HMGXB3: variants seen among roughly 807,000 people sequenced by gnomAD.
The protein encoded by HMGXB3 is HMG domain-containing protein 3.
HMGXB3 carries 45 observed loss-of-function variants against 121.5 expected under a neutral mutation model. The ratio of observed to expected loss-of-function variants is 0.37; its 90% CI spans 0.29 to 0.47. The LOEUF (loss-of-function observed/expected upper bound fraction) is 0.47. HMGXB3 is among the 20% of genes least tolerant of loss of function. The pLI, the probability that HMGXB3 is intolerant of heterozygous loss-of-function variation, is 0.99. For missense variants in HMGXB3, 1,376 were observed against 1,602.2 expected (o/e 0.86, Z 2.41); for synonymous variants, 590 against 624.1 (o/e 0.95, Z 0.81).
At position 150,004,320 on chromosome 5, in the gene HMGXB3, C is replaced by T. The variant is rs1161712944; in HGVS notation, c.-2-531C>T. Reference sequence around the variant, plus strand: ...GCTAAAAGACCTGACCAAAATTGCACAAGCTGGCAGAGTATAAAGAAATCT... The same window carrying T: ...GCTAAAAGACCTGACCAAAATTGCATAAGCTGGCAGAGTATAAAGAAATCT... On this transcript the variant is annotated intron_variant, in intron 1 of 19. Coordinates refer to ENST00000502717, the MANE Select transcript of HMGXB3 (RefSeq NM_014983.3). Among the ~76,000 whole-genome samples the T allele has an allele frequency of 2.0e-5, 3 of 152,164 alleles. No homozygotes were observed. The East Asian group carries it at 5.8e-4, about 29-fold the overall frequency.
rs145371566 is a variant in HMGXB3, at chr5:150,002,372, G to T, written c.-3+1193G>T. Among the ~76,000 whole-genome samples the T allele has an allele frequency of 4.5e-3, 688 of 152,306 alleles. 3 individuals carry two copies. Among genetic ancestry groups the T allele is most frequent in the South Asian group, 9.5e-3 (46 of 4,822 alleles). ...CAGTTGAAATTTAGGATGTGGAATA[G>T]ACTTCTCTGAGATCATAAGGTTAGA... On this transcript the variant is annotated intron_variant, in intron 1 of 19. Coordinates refer to ENST00000502717, the MANE Select transcript of HMGXB3 (RefSeq NM_014983.3).
chr5:150,052,880 C>A lies in HMGXB3; in HGVS notation c.*688C>A, dbSNP rs1049214704. 3.9e-5 allele frequency: 6 copies of A among 152,458 alleles called. No individual in the cohort carries two copies. Among genetic ancestry groups the A allele is most frequent in the South Asian group, 4.1e-4 (2 of 4,828 alleles). 9.4% of individuals were successfully genotyped at this position (152,458 alleles called of 1,614,324 possible). ...GGCCACTGCTGCTGCAGCCAATATC[C>A]TCTCTGGGCCTGGGACCCTCTCCAC... On this transcript the variant is annotated 3_prime_UTR_variant, in exon 20 of 20. Transcript: ENST00000502717.
Position 150,012,292 on chromosome 5 carries a change from A to T in HMGXB3, c.848A>T (p.Gln283Leu). ...AGTAGCTCCTCTGCACCAGCCACAC[A>T]GTTCATCATGTTGCCTCTGCCTGCC... ...SESSSSAPAT[Q>L]FIMLPLPAYS... The change falls in exon 5 of 20, where the codon CAG (glutamine) becomes CTG (leucine). Residue 283 changes from glutamine (Q) to leucine (L), a missense_variant. Coordinates refer to ENST00000502717, the MANE Select transcript of HMGXB3 (RefSeq NM_014983.3). 1 of 1,552,308 alleles carries T rather than the reference A, an allele frequency of 6.4e-7. No individual in the cohort carries two copies. Among genetic ancestry groups the T allele is most frequent in the Non-Finnish European group, 8.7e-7 (1 of 1,147,102 alleles).
Position 150,037,629 on chromosome 5 carries a change from A to T in HMGXB3, c.2413+102A>T, listed in dbSNP as rs1756531053. ...CCCTTTGAGGACTGGGCCTTCTCAG[A>T]TGGGGCTTCTGAGGAAGGGGGAGTC... is the stretch of plus-strand genomic sequence containing the variant. On this transcript the variant is annotated intron_variant, in intron 13 of 19. Transcript: ENST00000502717. The T allele has an allele frequency of 2.9e-6, 3 of 1,044,554 alleles. No individual in the cohort carries two copies. In the African/African-American group the frequency reaches 5.0e-5, roughly 17 times the overall value. 64.7% of individuals were successfully genotyped at this position (1,044,554 alleles called of 1,614,324 possible).
rs527624166 is a variant in HMGXB3 at position 150,031,106 on chromosome 5, G to A, written c.1833+267G>A. On this transcript the variant is annotated intron_variant, in intron 10 of 19. Coordinates refer to ENST00000502717, the MANE Select transcript of HMGXB3 (RefSeq NM_014983.3). ...TGTATTTTTATTGAGAGTTGCCAGA[G>A]ATGAGAATCTAGTCCAGATTTAACA... is the stretch of plus-strand genomic sequence containing the variant. 3.4e-4 allele frequency among the ~76,000 whole-genome samples: 52 copies of A among 152,322 alleles called. No homozygotes were observed. In the Middle Eastern group the frequency reaches 0.01, roughly 30 times the overall value.
At chr5:150,037,744 A>G (rs1756533321) in intron 13 of HMGXB3, among the ~76,000 whole-genome samples, 1 of 152,218 alleles carries the variant, frequency 6.6e-6, no homozygotes, top group Admixed American at 6.5e-5. Flanking sequence ...ACAGATCTTC[A>G]TTGTGGAAGG....
At position 150,011,626 on chromosome 5, in the gene HMGXB3, C is replaced by T. The variant is rs1221733776; in HGVS notation, c.811-629C>T. Among the ~76,000 whole-genome samples, 275 of 124,822 alleles carry T rather than the reference C, an allele frequency of 2.2e-3. 2 individuals carry two copies. The highest frequency in any genetic ancestry group is 9.2e-3 in the African/African-American group (260 of 28,370). The allele number at this position is 124,822 out of a possible 152,430, so 81.9% of individuals were successfully genotyped here. On this transcript the variant is annotated intron_variant, in intron 4 of 19. Coordinates refer to ENST00000502717, the MANE Select transcript of HMGXB3 (RefSeq NM_014983.3). ...TTGGTTTTTTTTTTTTTTTTTGAGA[C>T]GGAGTTTTGCTCTTGTCACCCAGGC...
chr5:150,052,012 C>A lies in HMGXB3; in HGVS notation c.3699C>A (p.Arg1233=), dbSNP rs1286328345. ...CCACTCACTATTACCTCTACAACCG[C>A]CTCATGGACTTCCTCACCAGCCGCG... ...DNATHYYLYN[R]LMDFLTSREI... The change falls in exon 20 of 20, where the codon CGC becomes CGA. Residue 1233 remains arginine (R), a synonymous_variant. Coordinates refer to ENST00000502717, the MANE Select transcript of HMGXB3 (RefSeq NM_014983.3). 1 of 1,551,956 alleles carries A rather than the reference C, an allele frequency of 6.4e-7. No individual in the cohort carries two copies. The highest frequency in any genetic ancestry group is 8.7e-7 in the Non-Finnish European group (1 of 1,147,092).
At position 150,052,139 on chromosome 5, in the gene HMGXB3, A is replaced by G. The variant is rs376234891; in HGVS notation, c.3826A>G (p.Thr1276Ala). 4.5e-6 allele frequency: 7 copies of G among 1,550,874 alleles called. No individual in the cohort carries two copies. Among genetic ancestry groups the G allele is most frequent in the Non-Finnish European group, 5.2e-6 (6 of 1,146,638 alleles). The change falls in exon 20 of 20, where the codon ACA becomes GCA. Residue 1276 changes from threonine (T) to alanine (A), a missense_variant. By Grantham distance (58) the Thr-to-Ala change is moderately conservative. Around this residue, in one of 2 missense-constraint regions of HMGXB3, gnomAD observed 260 missense variants for 233.2 expected, o/e 1.11. Transcript: ENST00000502717. Reference sequence around the variant, plus strand: ...CCGCCTTGGGGTTGCTCAGATCAAGACAGAGACAGAGGAGGAGGGTGAGGA... The same window carrying G: ...CCGCCTTGGGGTTGCTCAGATCAAGGCAGAGACAGAGGAGGAGGGTGAGGA... Reference protein sequence around the residue: ...LYRLGVAQIKTETEEEGEEEE... With the variant: ...LYRLGVAQIKAETEEEGEEEE...
At chr5:150,018,544 C>G (rs1339160485) in intron 5 of HMGXB3, 22 bp from the exon 6 acceptor site, 1 of 1,518,238 alleles carries the variant, frequency 6.6e-7, no homozygotes, top group East Asian at 2.5e-5. Flanking sequence ...TCTATTGATT[C>G]TGATGTGCTC....
At chr5:150,017,328 AG>A (rs1755980883) in intron 5 of HMGXB3, among the ~76,000 whole-genome samples, 1 of 152,224 alleles carries the variant, frequency 6.6e-6, no homozygotes, top group Admixed American at 6.5e-5. Context: ...AACCTGAGAA[AG>A]GATCAGAGAT....
intron 11 of HMGXB3, among the ~76,000 whole-genome samples, chr5:150,035,251 A>G (rs1244640509): frequency 1.3e-5 from 2 of 152,188 alleles, no homozygotes; most frequent in Admixed American, 6.5e-5. Flanking sequence ...TAGTACCAAC[A>G]TCTTTTTTGG....
At chr5:150,042,434 AG>A (rs965323158) in intron 15 of HMGXB3, among the ~76,000 whole-genome samples, 3 of 152,186 alleles carry the variant, frequency 2.0e-5, no homozygotes, top group Non-Finnish European at 4.4e-5. Flanking sequence ...GAGGGCAGTG[AG>A]GGGGGAAGGC....
At chr5:150,049,327 A>G (rs216127) in intron 18 of HMGXB3, among the ~76,000 whole-genome samples, 128,068 of 152,080 alleles carry the variant, frequency 0.84, 54,368 homozygotes, top group African/African-American at 0.96. Flanking sequence ...GTGGAAGGGT[A>G]TGGACAAGGT....
chr5:150,036,578 G>C lies in HMGXB3; in HGVS notation c.1984-58G>C. 2.1e-6 allele frequency: 3 copies of C among 1,424,488 alleles called. No homozygotes were observed. The East Asian group carries it at 7.5e-5, about 36-fold the overall frequency. 88.2% of individuals were successfully genotyped at this position (1,424,488 alleles called of 1,614,324 possible). A position where few individuals can be genotyped will look rare whatever the true frequency, so the allele number is the denominator to read the frequency against. On this transcript the variant is annotated intron_variant, in intron 11 of 19. Transcript: ENST00000502717. ...CTGCTCCCAGACTTTTATTATTTTAGCCTGAAGCTGGCTCTTTCTGCTCTG... is the reference window on the plus strand; with the variant it reads ...CTGCTCCCAGACTTTTATTATTTTACCCTGAAGCTGGCTCTTTCTGCTCTG...
intron 3 of HMGXB3, 84 bp from the exon 4 acceptor site, chr5:150,010,027 A>C: frequency 1.5e-6 from 2 of 1,297,176 alleles, no homozygotes; most frequent in Non-Finnish European, 2.1e-6. Context: ...GAACTTACAC[A>C]TATATATATA....
chr5:150,032,589 A>C lies in HMGXB3; in HGVS notation c.1969A>C (p.Thr657Pro). 6.4e-7 allele frequency: 1 copy of C among 1,552,216 alleles called. No homozygotes were observed. Among genetic ancestry groups the C allele is most frequent in the Non-Finnish European group, 8.7e-7 (1 of 1,147,092 alleles). The change falls in exon 11 of 20, where the codon ACC becomes CCC. Residue 657 changes from threonine to proline, a missense_variant. By Grantham distance (38) the Thr-to-Pro change is conservative (BLOSUM62 -1). Coordinates refer to ENST00000502717, the MANE Select transcript of HMGXB3 (RefSeq NM_014983.3). ...VNLAKDRTEKTTKAIEVSSPL... is the reference protein window; with the variant it reads ...VNLAKDRTEKPTKAIEVSSPL... ...CCTTGCCAAAGACCGGACTGAGAAA[A>C]CCACCAAGGCTATCGTGAGTTCCTT...
rs1755806546 is a variant in HMGXB3 at position 150,010,583 on chromosome 5, G to A, written c.785G>A (p.Ser262Asn). The A allele has an allele frequency of 3.9e-6, 6 of 1,551,092 alleles. No individual in the cohort carries two copies. The highest frequency in any genetic ancestry group is 2.0e-5 in the Admixed American group (1 of 50,980). The change falls in exon 4 of 20, where the codon AGT becomes AAT. Residue 262 changes from serine to asparagine, a missense_variant. Physicochemically the swap from Ser to Asn is conservative, Grantham distance 46 (BLOSUM62 1). Transcript: ENST00000502717. Reference protein sequence around the residue: ...LAVPHPQVGESVSVVTVMRDS... With the variant: ...LAVPHPQVGENVSVVTVMRDS... ...GTGCCCCACCCCCAGGTTGGGGAGA[G>A]TGTATCAGTGGTAACAGTCATGAGG...
intron 19 of HMGXB3, 126 bp downstream of exon 19, chr5:150,050,587 T>A: frequency 1.5e-6 from 1 of 688,684 alleles, no homozygotes; most frequent in Non-Finnish European, 2.4e-6. Context: ...GTTCAAGCAG[T>A]TCTCGTGCCT....
Sources: gnomAD v4.1 joint callset for allele counts (sites outside exome capture counted in the v4.1 genomes callset) on GRCh38, gnomAD v4.1.1 for gene constraint, gnomAD v4.1.1 regional missense constraint, MANE v1.5 for transcripts, NCBI Gene and HGNC (gene_info 2026-07-23, HGNC 2026-07-21) for gene names.